The following PLP1 variants were observed in gnomAD, a reference collection of about 807,000 sequenced individuals.
PLP1 encodes proteolipid protein 1, also known as myelin proteolipid protein.
PLP1 carries 2 observed loss-of-function variants against 18.5 expected under a neutral mutation model. That is an observed-to-expected ratio of 0.11 (90% CI 0.04 to 0.34). The LOEUF is 0.34. Among genes scored for constraint, PLP1 ranks in the 10% least tolerant of loss-of-function variants. The probability of loss-of-function intolerance (pLI) is 1.00; values close to 1 mark genes in which losing one functional copy is unlikely to be tolerated. For missense variants in PLP1, 105 were observed against 207.3 expected, an observed-to-expected ratio of 0.51 and a Z score of 3.03; for synonymous variants, 86 against 83.2, an observed-to-expected ratio of 1.03 and a Z score of -0.19.
intron 1 of PLP1, chrX:103,781,121 C>T: frequency 4.4e-6 from 1 of 229,246 alleles, no homozygotes; most frequent in South Asian, 4.6e-5. Context: ...CCATTCCTTT[C>T]GATGAAAGCC....
intron 1 of PLP1, among the ~76,000 whole-genome samples, chrX:103,784,777 T>C (rs2074480901): frequency 1.8e-5 from 2 of 112,186 alleles, no homozygotes; most frequent in African/African-American, 6.5e-5. Flanking sequence ...TTGAAAATAT[T>C]AGGTCTACTT....
intron 2 of PLP1, 126 bp downstream of exon 2, chrX:103,785,894 T>C: frequency 1.3e-6 from 1 of 750,646 alleles, no homozygotes; most frequent in East Asian, 3.2e-5. Context: ...GATTCCCGAG[T>C]CTTCCCTCTG....
At chrX:103,783,306 T>G (rs2074468847) in intron 1 of PLP1, among the ~76,000 whole-genome samples, 1 of 112,690 alleles carries the variant, frequency 8.9e-6, no homozygotes, top group Non-Finnish European at 1.9e-5. Context: ...GTTTGCAAAG[T>G]TCATGCTGAG....
At chrX:103,782,362 AG>A (rs2074460569) in intron 1 of PLP1, among the ~76,000 whole-genome samples, 2 of 112,145 alleles carry the variant, frequency 1.8e-5, no homozygotes, top group Admixed American at 1.9e-4. Flanking sequence ...GGAGCAGAAA[AG>A]GGGATGCTAA....
chrX:103,777,189 AC>A (rs2082790082), intron 1 of PLP1, among the ~76,000 whole-genome samples, 190 bp downstream of exon 1: 1 of 112,010 alleles, frequency 8.9e-6, no homozygotes, highest in Non-Finnish European at 1.9e-5. Flanking sequence ...ATGCTTTATT[AC>A]CAAAGAATTC....
chrX:103,779,745 C>T (rs1388601251), intron 1 of PLP1: 2 of 111,842 alleles, frequency 1.8e-5, no homozygotes, highest in Non-Finnish European at 3.8e-5. Flanking sequence ...AACCTCAACC[C>T]TGGGAGGTGG....
At chrX:103,788,552 T>C (rs751578266) in intron 5 of PLP1, 42 bp downstream of exon 5, 2 of 977,955 alleles carry the variant, frequency 2.0e-6, no homozygotes, top group Admixed American at 4.4e-5. Flanking sequence ...GAGTAGCTAA[T>C]ACCATACAAA....
At position 103,791,563 on chromosome X, in the gene PLP1, G is replaced by A. The variant is rs1274750133; in HGVS notation, c.*965G>A. On this transcript the variant is annotated 3_prime_UTR_variant, in exon 7 of 7. Coordinates refer to ENST00000621218, the MANE Select transcript of PLP1 (RefSeq NM_000533.5). ...TTCTGTTAATTAGTTGTGTACTCTG[G>A]CCTCTGTCATATCTTCACAATGGTG... is the stretch of plus-strand genomic sequence containing the variant. 8.9e-6 allele frequency: 1 copy of A among 112,126 alleles called. No homozygotes were observed. Among genetic ancestry groups the A allele is most frequent in the Non-Finnish European group, 1.9e-5 (1 of 53,168 alleles). The allele number at this position is 112,126 out of a possible 1,213,427, so 9.2% of individuals were successfully genotyped here. A position where few individuals can be genotyped will look rare whatever the true frequency, so the allele number is the denominator to read the frequency against.
intron 2 of PLP1, 75 bp from the exon 3 acceptor site, chrX:103,786,390 C>T: frequency 9.0e-7 from 1 of 1,110,607 alleles, no homozygotes; most frequent in Non-Finnish European, 1.2e-6. Flanking sequence ...GTGTATACCT[C>T]ACTTATGTCG....
intron 6 of PLP1, 95 bp downstream of exon 6, chrX:103,789,493 C>T: frequency 4.3e-6 from 3 of 690,617 alleles, no homozygotes; most frequent in Non-Finnish European, 7.1e-6. Flanking sequence ...TGCTTCCATC[C>T]TTGAAATGCT....
rs1382328865 is a variant in PLP1, at chrX:103,785,574, T to C, written c.5-8T>C. On this transcript the variant is annotated splice_polypyrimidine_tract_variant and splice_region_variant and intron_variant, in intron 1 of 6. Coordinates refer to ENST00000621218, the MANE Select transcript of PLP1 (RefSeq NM_000533.5). ...TGTGCCTGACTGTTTCCCCTTCTTC[T>C]TCCCCAGGCTTGTTAGAGTGCTGTG... 2.5e-6 allele frequency: 3 copies of C among 1,204,172 alleles called. No homozygotes were observed. The highest frequency in any genetic ancestry group is 3.4e-6 in the Non-Finnish European group (3 of 890,518).
intron 1 of PLP1, chrX:103,781,270 T>A (rs1181710884): frequency 9.4e-6 from 3 of 320,284 alleles, no homozygotes; most frequent in Non-Finnish European, 1.8e-5. Flanking sequence ...AGAGACAGCA[T>A]CAGGATCAAC....
intron 1 of PLP1, among the ~76,000 whole-genome samples, chrX:103,778,136 A>G (rs2074425469): frequency 8.9e-6 from 1 of 112,156 alleles, no homozygotes; most frequent in Non-Finnish European, 1.9e-5. Context: ...GAACTATGTG[A>G]CCTTGGACAG....
Position 103,790,981 on chromosome X carries a change from G to T in PLP1, c.*383G>T, listed in dbSNP as rs2074540807. On this transcript the variant is annotated 3_prime_UTR_variant, in exon 7 of 7. Transcript: ENST00000621218. ...ACAAAGTGGAAGGAAAGATGCTCAG[G>T]TACAGAGAAGGAATGTCTTTGGTCC... 1 of 227,269 alleles carries T rather than the reference G, an allele frequency of 4.4e-6. No individual in the cohort carries two copies. Among genetic ancestry groups the T allele is most frequent in the Non-Finnish European group, 8.0e-6 (1 of 125,597 alleles). 18.7% of individuals were successfully genotyped at this position (227,269 alleles called of 1,213,427 possible).
chrX:103,790,730 A>C lies in PLP1; in HGVS notation c.*132A>C. ...TTCTTACTTGATGAGTGTAACAAGA[A>C]AGGAGAGTCTTGCAGTGATTAAGGT... On this transcript the variant is annotated 3_prime_UTR_variant, in exon 7 of 7. Coordinates refer to ENST00000621218, the MANE Select transcript of PLP1 (RefSeq NM_000533.5). The C allele has an allele frequency of 3.6e-6, 2 of 560,244 alleles. No individual in the cohort carries two copies. Among genetic ancestry groups the C allele is most frequent in the Non-Finnish European group, 6.5e-6 (2 of 308,969 alleles). The allele number at this position is 560,244 out of a possible 1,213,427, so 46.2% of individuals were successfully genotyped here.
intron 1 of PLP1, among the ~76,000 whole-genome samples, chrX:103,777,698 C>A (rs1170013976): frequency 8.9e-6 from 1 of 111,947 alleles, no homozygotes; most frequent in Non-Finnish European, 1.9e-5. Flanking sequence ...GACATTAGGG[C>A]TCTTGCTAAG....
chrX:103,786,071 T>C (rs751774113), intron 2 of PLP1: 4 of 1,052,013 alleles, frequency 3.8e-6, no homozygotes, highest in Admixed American at 6.8e-5. Context: ...GTAGTAGGTA[T>C]GGAGAAGCCA....
chrX:103,784,657 C>T (rs760994834), intron 1 of PLP1, among the ~76,000 whole-genome samples: 2 of 112,257 alleles, frequency 1.8e-5, no homozygotes, highest in African/African-American at 3.2e-5. Context: ...GCTCTTCATG[C>T]TAAAATCCTG....
chrX:103,785,699 C>T lies in PLP1; in HGVS notation c.122C>T (p.Thr41Ile), dbSNP rs747978554. The change falls in exon 2 of 7, where the codon ACT (threonine) becomes ATT (isoleucine). Residue 41 changes from threonine to isoleucine, a missense_variant. Coordinates refer to ENST00000621218, the MANE Select transcript of PLP1 (RefSeq NM_000533.5). The stretch of plus-strand genomic sequence containing the variant: ...TGTGGCTGTGGACATGAAGCCCTCA[C>T]TGGCACAGAAAAGCTAATTGAGACC... ...LFCGCGHEAL[T>I]GTEKLIETYF... The T allele has an allele frequency of 2.5e-6, 3 of 1,210,390 alleles. No individual in the cohort carries two copies. The East Asian group carries it at 8.9e-5, about 36-fold the overall frequency.
Sources: gnomAD v4.1 joint callset for allele counts (sites outside exome capture counted in the v4.1 genomes callset) on GRCh38, gnomAD v4.1.1 for gene constraint, MANE v1.5 for transcripts, NCBI Gene and HGNC (gene_info 2026-07-23, HGNC 2026-07-21) for gene names.